Variants in CTNND2 observed in about 807,000 individuals in gnomAD.
CTNND2 encodes the protein catenin delta-2.
Under a neutral mutation model 144.4 loss-of-function variants are expected in CTNND2, and 22 were observed. That is an observed-to-expected ratio of 0.15 (90% CI 0.11 to 0.22). The LOEUF (loss-of-function observed/expected upper bound fraction) is 0.22, where lower values mean the gene tolerates loss of function less well. CTNND2 is among the 10% of genes least tolerant of loss of function. The probability of loss-of-function intolerance (pLI) is 1.00; values close to 1 mark genes in which losing one functional copy is unlikely to be tolerated. For synonymous variants in CTNND2, 751 were observed against 695.6 expected (o/e 1.08, Z -1.25); for missense variants, 1,353 against 1,618.8 (o/e 0.84, Z 2.82).
At chr5:11,470,980 A>ATATAT (rs1219093645) in intron 3 of CTNND2, among the ~76,000 whole-genome samples, 42 of 91,526 alleles carry the variant, frequency 4.6e-4, no homozygotes, top group Non-Finnish European at 6.3e-4. Flanking sequence ...ATATATATAT[A>ATATAT]TTTTTTTTTT....
At chr5:11,582,009 CTT>C (rs1778473813) in intron 2 of CTNND2, among the ~76,000 whole-genome samples, 1 of 152,152 alleles carries the variant, frequency 6.6e-6, no homozygotes, top group Non-Finnish European at 1.5e-5. Flanking sequence ...ACTCAGAAGA[CTT>C]TTACTGACCA....
At chr5:11,355,961 A>G (rs939428885) in intron 8 of CTNND2, among the ~76,000 whole-genome samples, 1 of 152,060 alleles carries the variant, frequency 6.6e-6, no homozygotes, top group African/African-American at 2.4e-5. Flanking sequence ...AGCTACAAAA[A>G]TTAGATATGT....
intron 15 of CTNND2, among the ~76,000 whole-genome samples, chr5:11,096,759 A>G (rs938732397): frequency 5.3e-5 from 8 of 152,052 alleles, no homozygotes; most frequent in African/African-American, 1.9e-4. Flanking sequence ...AAAGGAAGAG[A>G]GAAAGAAGAG....
chr5:11,522,909 T>A (rs745730175), intron 3 of CTNND2, among the ~76,000 whole-genome samples: 4 of 152,228 alleles, frequency 2.6e-5, no homozygotes, highest in Non-Finnish European at 5.9e-5. Context: ...GAAGCACCCA[T>A]GCGTTTGAAT....
intron 2 of CTNND2, among the ~76,000 whole-genome samples, chr5:11,729,488 TA>T (rs1241007265): frequency 6.6e-6 from 1 of 152,222 alleles, no homozygotes; most frequent in East Asian, 1.9e-4. Flanking sequence ...ATTTCCTTTC[TA>T]AAATTCTCAT....
chr5:11,056,589 A>C (rs895275198), intron 16 of CTNND2, among the ~76,000 whole-genome samples: 1 of 152,160 alleles, frequency 6.6e-6, no homozygotes, highest in Non-Finnish European at 1.5e-5. Context: ...AGCAGCTGGG[A>C]CTACAGGCAT....
At chr5:11,730,068 T>C (rs1787284049) in intron 2 of CTNND2, among the ~76,000 whole-genome samples, 1 of 152,198 alleles carries the variant, frequency 6.6e-6, no homozygotes, top group Admixed American at 6.5e-5. Flanking sequence ...ATTAATTTTA[T>C]CAACATGTTA....
intron 1 of CTNND2, among the ~76,000 whole-genome samples, chr5:11,755,532 T>C (rs961707148): frequency 1.3e-5 from 2 of 151,888 alleles, no homozygotes; most frequent in East Asian, 3.9e-4. Flanking sequence ...TCCTCAAATA[T>C]GTTTTCCAAG....
intron 3 of CTNND2, among the ~76,000 whole-genome samples, chr5:11,441,122 T>C (rs1382083564): frequency 6.6e-6 from 1 of 152,212 alleles, no homozygotes; most frequent in Non-Finnish European, 1.5e-5. Flanking sequence ...TAGGCAACAT[T>C]TAAAAATTAT....
intron 2 of CTNND2, among the ~76,000 whole-genome samples, chr5:11,624,749 G>T (rs1047679462): frequency 9.9e-5 from 15 of 152,030 alleles, no homozygotes; most frequent in African/African-American, 2.9e-4. Flanking sequence ...AAAATTAACA[G>T]TTGGAACCCA....
At chr5:11,081,753 T>C (rs372162184) in intron 16 of CTNND2, among the ~76,000 whole-genome samples, 5 of 152,354 alleles carry the variant, frequency 3.3e-5, no homozygotes, top group African/African-American at 1.2e-4. Context: ...TGTTCTATGA[T>C]TCCATTTATA....
chr5:11,166,275 G>A (rs1217072713), intron 11 of CTNND2, among the ~76,000 whole-genome samples: 2 of 144,302 alleles, frequency 1.4e-5, no homozygotes, highest in African/African-American at 5.2e-5. Context: ...TTGAGATGGA[G>A]TCTTGCTCTG....
At chr5:11,730,345 A>G (rs1020665622) in intron 2 of CTNND2, among the ~76,000 whole-genome samples, 1 of 152,198 alleles carries the variant, frequency 6.6e-6, no homozygotes, top group African/African-American at 2.4e-5. Flanking sequence ...GTAAGTTAAC[A>G]GTTCTAATTT....
intron 5 of CTNND2, among the ~76,000 whole-genome samples, chr5:11,402,204 C>T (rs1760703590): frequency 6.6e-6 from 1 of 152,170 alleles, no homozygotes; most frequent in South Asian, 2.1e-4. Context: ...GACAGTTCTC[C>T]GTTTCCTCAG....
intron 2 of CTNND2, among the ~76,000 whole-genome samples, chr5:11,724,912 AT>A (rs34852559): frequency 8.7e-4 from 130 of 148,936 alleles, no homozygotes; most frequent in African/African-American, 1.5e-3. Context: ...GTCAAAAGTG[AT>A]TTTTTTTTTT....
At chr5:11,527,505 G>T (rs1454216613) in intron 3 of CTNND2, among the ~76,000 whole-genome samples, 1 of 152,062 alleles carries the variant, frequency 6.6e-6, no homozygotes, top group Non-Finnish European at 1.5e-5. Context: ...CAGAACTCAG[G>T]CTCGAGGTCT....
intron 14 of CTNND2, among the ~76,000 whole-genome samples, chr5:11,098,977 C>T (rs369623887): frequency 1.3e-5 from 2 of 151,992 alleles, no homozygotes; most frequent in African/African-American, 2.4e-5. Context: ...GGTGTATGCA[C>T]GCAAGAGAAT....
intron 9 of CTNND2, among the ~76,000 whole-genome samples, chr5:11,251,543 G>A (rs959362840): frequency 1.3e-5 from 2 of 152,164 alleles, no homozygotes; most frequent in African/African-American, 2.4e-5. Context: ...TCAAGATACC[G>A]TATTTATCTT....
At chr5:11,024,457 T>C (rs1168601577) in intron 16 of CTNND2, among the ~76,000 whole-genome samples, 1 of 152,198 alleles carries the variant, frequency 6.6e-6, no homozygotes, top group African/African-American at 2.4e-5. Context: ...TTTACTTTCG[T>C]AGGGCTCAGC....
Sources: allele counts gnomAD v4.1 joint callset (sites outside exome capture counted in the v4.1 genomes callset), GRCh38; gene constraint gnomAD v4.1.1; transcripts MANE v1.5; gene names NCBI Gene and HGNC (gene_info 2026-07-23, HGNC 2026-07-21).